Variants in SNX29 observed in about 807,000 individuals in gnomAD.
SNX29 encodes sorting nexin 29.
Under a neutral mutation model 102.1 loss-of-function variants are expected in SNX29, and 78 were observed. The ratio of observed to expected loss-of-function variants is 0.76; its 90% CI spans 0.64 to 0.92. The LOEUF (loss-of-function observed/expected upper bound fraction) is 0.92, where lower values mean the gene tolerates loss of function less well. Ranked by LOEUF, SNX29 falls within the 40% of genes least tolerant of loss-of-function variation. The probability of loss-of-function intolerance (pLI) is 0.00; values close to 1 mark genes in which losing one functional copy is unlikely to be tolerated. For missense variants in SNX29, 1,280 were observed against 1,061.7 expected (o/e 1.21, Z -2.86); for synonymous variants, 580 against 414.5 (o/e 1.40, Z -4.85).
At chr16:12,200,947 T>A (rs942402786) in intron 14 of SNX29, among the ~76,000 whole-genome samples, 1 of 152,240 alleles carries the variant, frequency 6.6e-6, no homozygotes, top group Non-Finnish European at 1.5e-5. Flanking sequence ...TCTAGTATGG[T>A]ACCTGGCATA....
intron 17 of SNX29, 59 bp from the exon 18 acceptor site, chr16:12,403,389 T>C: frequency 6.7e-7 from 1 of 1,502,992 alleles, no homozygotes; most frequent in Non-Finnish European, 9.0e-7. Flanking sequence ...TTTTTTATTT[T>C]TTATTTTTTT....
intron 10 of SNX29, among the ~76,000 whole-genome samples, chr16:12,070,466 T>G (rs1009813964): frequency 6.6e-6 from 1 of 151,896 alleles, no homozygotes; most frequent in Non-Finnish European, 1.5e-5. Flanking sequence ...CCGAGAATGA[T>G]GATTTCCAGT....
chr16:12,504,832 G>A (rs531716306), intron 19 of SNX29, among the ~76,000 whole-genome samples: 2 of 152,336 alleles, frequency 1.3e-5, no homozygotes, highest in Non-Finnish European at 2.9e-5. Context: ...TCCCCTGGGG[G>A]TCTTGGAATG....
At chr16:12,063,383 T>G (rs2050867659) in intron 9 of SNX29, among the ~76,000 whole-genome samples, 1 of 122,302 alleles carries the variant, frequency 8.2e-6, no homozygotes, top group Non-Finnish European at 1.7e-5. Context: ...TTTTTTTTTT[T>G]TTTTTTTTTG....
At chr16:12,560,934 T>G (rs1598058972) in intron 20 of SNX29, 2 of 206,986 alleles carry the variant, frequency 9.7e-6, no homozygotes, top group African/African-American at 4.6e-5. Flanking sequence ...CTCGTGGTGT[T>G]GGGATCCGGA....
chr16:12,506,974 T>C (rs973254675), intron 19 of SNX29, among the ~76,000 whole-genome samples: 1 of 152,228 alleles, frequency 6.6e-6, no homozygotes, highest in Non-Finnish European at 1.5e-5. Context: ...GCAAAGACCA[T>C]GTCTTGTATG....
At chr16:12,541,448 C>G (rs935334582) in intron 20 of SNX29, among the ~76,000 whole-genome samples, 1 of 152,160 alleles carries the variant, frequency 6.6e-6, no homozygotes, top group African/African-American at 2.4e-5. Flanking sequence ...TCTCAAAGGA[C>G]CCACGCTTAG....
intron 16 of SNX29, among the ~76,000 whole-genome samples, chr16:12,388,525 C>T (rs1017306551): frequency 1.3e-5 from 2 of 152,214 alleles, no homozygotes; most frequent in African/African-American, 4.8e-5. Context: ...TTCCAGCTAT[C>T]AGTTAGGAAT....
intron 18 of SNX29, among the ~76,000 whole-genome samples, chr16:12,469,284 C>T (rs906436372): frequency 1.3e-5 from 2 of 152,188 alleles, no homozygotes; most frequent in African/African-American, 4.8e-5. Flanking sequence ...ATCCGTCTAT[C>T]GGCATGGCCA....
intron 15 of SNX29, among the ~76,000 whole-genome samples, chr16:12,338,574 A>G (rs1022345890): frequency 3.9e-5 from 6 of 152,190 alleles, no homozygotes; most frequent in African/African-American, 1.4e-4. Context: ...GAGAAAACTG[A>G]GTCTCAGAAA....
chr16:12,032,168 G>T (rs1468704652), intron 4 of SNX29, among the ~76,000 whole-genome samples: 9 of 147,008 alleles, frequency 6.1e-5, no homozygotes, highest in Non-Finnish European at 1.4e-4. Flanking sequence ...CGTCCGTGTT[G>T]TAGTATGTGT....
Position 12,226,960 on chromosome 16 carries a change from A to G in SNX29, c.1678+27277A>G, listed in dbSNP as rs201865323. 2.0e-5 allele frequency among the ~76,000 whole-genome samples: 3 copies of G among 152,308 alleles called. No homozygotes were observed. In the East Asian group the frequency reaches 5.8e-4, roughly 29 times the overall value. ...CTTCAGGCGGCAGGGTCTGGCTACC[A>G]TCCCTAATCGAGACCGGATTTGAAT... On this transcript the variant is annotated intron_variant, in intron 14 of 20. Transcript: ENST00000566228.
At chr16:12,147,269 G>A (rs369311976) in intron 13 of SNX29, among the ~76,000 whole-genome samples, 57 of 152,208 alleles carry the variant, frequency 3.7e-4, no homozygotes, top group African/African-American at 1.3e-3. Context: ...AAGGGAAAAG[G>A]GAGAAGGTTG....
At chr16:12,027,242 C>T in intron 3 of SNX29, 78 bp from the exon 4 acceptor site, 1 of 1,582,692 alleles carries the variant, frequency 6.3e-7, no homozygotes, top group Non-Finnish European at 8.6e-7. Flanking sequence ...GGCTTACTCA[C>T]TTCCTGGAGA....
chr16:12,547,998 A>G (rs1484298901), intron 20 of SNX29, among the ~76,000 whole-genome samples: 1 of 152,140 alleles, frequency 6.6e-6, no homozygotes, highest in African/African-American at 2.4e-5. Context: ...TCTCGAGTGA[A>G]CGTGGCATCC....
At chr16:12,452,162 C>G (rs1567577501) in intron 18 of SNX29, among the ~76,000 whole-genome samples, 1 of 152,208 alleles carries the variant, frequency 6.6e-6, no homozygotes, top group Non-Finnish European at 1.5e-5. Context: ...AGTGCAAGTT[C>G]TAGCTGAGTG....
At chr16:12,345,217 A>G (rs899953915) in intron 15 of SNX29, among the ~76,000 whole-genome samples, 1 of 152,224 alleles carries the variant, frequency 6.6e-6, no homozygotes, top group African/African-American at 2.4e-5. Context: ...GCAGAAGTGC[A>G]TGCTACACCT....
chr16:11,982,203 G>A (rs981116985), intron 1 of SNX29, among the ~76,000 whole-genome samples: 3 of 148,726 alleles, frequency 2.0e-5, no homozygotes, highest in African/African-American at 7.3e-5. Flanking sequence ...GGTGGTTATT[G>A]TAGGGTGGTG....
intron 18 of SNX29, among the ~76,000 whole-genome samples, chr16:12,429,665 C>T (rs769655757): frequency 2.6e-5 from 4 of 152,242 alleles, no homozygotes; most frequent in African/African-American, 7.2e-5. Flanking sequence ...TCCACCATCA[C>T]GCTGTCATAT....
Sources: gnomAD v4.1 joint callset for allele counts (sites outside exome capture counted in the v4.1 genomes callset) on GRCh38, gnomAD v4.1.1 for gene constraint, MANE v1.5 for transcripts, NCBI Gene and HGNC (gene_info 2026-07-23, HGNC 2026-07-21) for gene names.